TRDN: variants seen among roughly 807,000 people sequenced by gnomAD.
TRDN encodes triadin in skeletal muscle.
A neutral mutation model predicts 149.7 loss-of-function variants in TRDN; 161 were observed. The ratio of observed to expected loss-of-function variants is 1.08; its 90% confidence interval spans 0.95 to 1.23. The LOEUF is 1.23. Among genes scored for constraint, TRDN ranks in the 50% most tolerant of loss-of-function variants. The probability of loss-of-function intolerance (pLI) is 0.00; values close to 1 mark genes in which losing one functional copy is unlikely to be tolerated. For synonymous variants in TRDN, 294 were observed against 250.5 expected, an observed-to-expected ratio of 1.17 and a Z score of -1.64; for missense variants, 896 against 823.5, an observed-to-expected ratio of 1.09 and a Z score of -1.08.
At chr6:123,618,492 G>T (rs1169799530) in intron 1 of TRDN, among the ~76,000 whole-genome samples, 2 of 152,062 alleles carry the variant, frequency 1.3e-5, no homozygotes, top group Non-Finnish European at 2.9e-5. Context: ...CCCGCTCGAG[G>T]TTCTTAATAA....
intron 3 of TRDN, 87 bp downstream of exon 3, chr6:123,548,367 T>A (rs548761147): frequency 8.3e-4 from 941 of 1,129,310 alleles, no homozygotes; most frequent in Non-Finnish European, 1.0e-3. Context: ...ACCCAAGTGC[T>A]CATTTGAATT....
chr6:123,229,838 A>T (rs921080191), intron 38 of TRDN, among the ~76,000 whole-genome samples: 11 of 151,952 alleles, frequency 7.2e-5, no homozygotes, highest in African/African-American at 2.7e-4. Flanking sequence ...AATTATGTTT[A>T]TTCTTAATTA....
At chr6:123,617,109 T>A (rs1785130200) in intron 1 of TRDN, among the ~76,000 whole-genome samples, 1 of 152,138 alleles carries the variant, frequency 6.6e-6, no homozygotes, top group African/African-American at 2.4e-5. Flanking sequence ...TGATTTTTTT[T>A]AACCACAGCA....
intron 9 of TRDN, among the ~76,000 whole-genome samples, chr6:123,495,484 A>T (rs1310174236): frequency 6.6e-6 from 1 of 151,774 alleles, no homozygotes; most frequent in Admixed American, 6.6e-5. Context: ...ACACCATTGC[A>T]CTCCAGCCTG....
chr6:123,583,895 T>C (rs373954519), intron 1 of TRDN: 150 of 254,066 alleles, frequency 5.9e-4, no homozygotes, highest in East Asian at 3.0e-3. Context: ...GGTAGAATAG[T>C]AGATGGAACA....
intron 12 of TRDN, among the ~76,000 whole-genome samples, chr6:123,426,274 A>T (rs1259218068): frequency 6.6e-6 from 1 of 152,162 alleles, no homozygotes; most frequent in African/African-American, 2.4e-5. Context: ...GAAGAAGGGT[A>T]AAAAGGTAAA....
At chr6:123,230,016 T>C (rs927725210) in intron 38 of TRDN, among the ~76,000 whole-genome samples, 2 of 151,922 alleles carry the variant, frequency 1.3e-5, no homozygotes, top group Admixed American at 1.3e-4. Flanking sequence ...CCCCAAAATA[T>C]TTTTTATGAA....
In TRDN at chr6:123,217,602, C is replaced by T. The variant is rs1775004521; in HGVS notation, c.*999G>A. On this transcript the variant is annotated 3_prime_UTR_variant, in exon 41 of 41. Coordinates refer to ENST00000334268, the MANE Select transcript of TRDN (RefSeq NM_006073.4). ...GTCATTGGCACTGATGACCAGTTACCTAAAATACAAGTAAGACATCTCACG... is the reference window on the plus strand; with the variant it reads ...GTCATTGGCACTGATGACCAGTTACTTAAAATACAAGTAAGACATCTCACG... 1 of 151,906 alleles carries T rather than the reference C, an allele frequency of 6.6e-6. No homozygotes were observed. Among genetic ancestry groups the T allele is most frequent in the African/African-American group, 2.4e-5 (1 of 41,394 alleles). 9.4% of individuals were successfully genotyped at this position (151,906 alleles called of 1,614,324 possible).
intron 10 of TRDN, among the ~76,000 whole-genome samples, chr6:123,445,950 G>A (rs1175729088): frequency 8.4e-5 from 12 of 142,384 alleles, no homozygotes; most frequent in Non-Finnish European, 1.8e-4. Context: ...TGTTTATTGC[G>A]GCATTATTCA....
chr6:123,273,662 A>G (rs1281883316), intron 27 of TRDN, among the ~76,000 whole-genome samples: 1 of 152,078 alleles, frequency 6.6e-6, no homozygotes, highest in African/African-American at 2.4e-5. Flanking sequence ...TAAATATATC[A>G]CAAGAGCAAC....
intron 1 of TRDN, among the ~76,000 whole-genome samples, chr6:123,595,857 C>T (rs1583301914): frequency 6.6e-6 from 1 of 152,086 alleles, no homozygotes; most frequent in South Asian, 2.1e-4. Flanking sequence ...AACTGGCCAT[C>T]TCTACTCTCT....
At chr6:123,334,048 G>A (rs1294344441) in intron 22 of TRDN, among the ~76,000 whole-genome samples, 2 of 152,064 alleles carry the variant, frequency 1.3e-5, no homozygotes, top group African/African-American at 2.4e-5. Context: ...GACAAAGGCA[G>A]TAACGAGGAA....
chr6:123,269,898 T>C, intron 30 of TRDN, 32 bp from the exon 31 acceptor site: 2 of 1,606,906 alleles, frequency 1.2e-6, no homozygotes, highest in Non-Finnish European at 1.7e-6. Flanking sequence ...ACATGGCATA[T>C]TGATGAGTAC....
At chr6:123,348,849 A>G (rs1173963067) in intron 21 of TRDN, among the ~76,000 whole-genome samples, 1 of 152,128 alleles carries the variant, frequency 6.6e-6, no homozygotes, top group Non-Finnish European at 1.5e-5. Context: ...AGAATGTCAA[A>G]GGGATACATA....
intron 27 of TRDN, among the ~76,000 whole-genome samples, chr6:123,273,864 T>G (rs1459953692): frequency 6.6e-6 from 1 of 152,012 alleles, no homozygotes; most frequent in Non-Finnish European, 1.5e-5. Flanking sequence ...TCAGGTCAAT[T>G]GCTAGTTGGT....
At chr6:123,376,077 C>T (rs1781489424) in intron 18 of TRDN, among the ~76,000 whole-genome samples, 1 of 152,010 alleles carries the variant, frequency 6.6e-6, no homozygotes, top group Admixed American at 6.6e-5. Context: ...TAATCACACA[C>T]TGAAAAAAAT....
At chr6:123,297,681 T>C (rs1778252252) in intron 24 of TRDN, among the ~76,000 whole-genome samples, 1 of 151,962 alleles carries the variant, frequency 6.6e-6, no homozygotes, top group Admixed American at 6.6e-5. Flanking sequence ...TTGGTTGAAA[T>C]GTAGTGCTAG....
intron 12 of TRDN, among the ~76,000 whole-genome samples, chr6:123,402,445 T>C (rs1197765322): frequency 3.4e-5 from 5 of 147,560 alleles, no homozygotes; most frequent in Non-Finnish European, 7.5e-5. Flanking sequence ...GCCAGGTTTA[T>C]GCATCATTTT....
rs549558521 is a variant in TRDN, at chr6:123,543,200, G to A, written c.424+4140C>T. On this transcript the variant is annotated intron_variant, in intron 4 of 40. Transcript: ENST00000334268. ...TGATCTTTTACACCTTTGCAATTAC[G>A]TAAGCTATAAAATAACATGTTGCAT... is the stretch of plus-strand genomic sequence containing the variant. Among the ~76,000 whole-genome samples, 17 of 151,978 alleles carry A rather than the reference G, an allele frequency of 1.1e-4. No individual in the cohort carries two copies. The East Asian group carries it at 1.5e-3, about 14-fold the overall frequency.
Sources: gnomAD v4.1 joint callset for allele counts (sites outside exome capture counted in the v4.1 genomes callset) on GRCh38, gnomAD v4.1.1 for gene constraint, MANE v1.5 for transcripts, NCBI Gene and HGNC (gene_info 2026-07-23, HGNC 2026-07-21) for gene names.